Variants in M1AP observed in about 807,000 individuals in gnomAD.
The protein encoded by M1AP is meiosis 1 associated protein.
M1AP carries 39 observed loss-of-function variants against 51.2 expected under a neutral mutation model. The observed-to-expected ratio is 0.76, with a 90% CI of 0.59 to 1.00. The LOEUF (loss-of-function observed/expected upper bound fraction) is 1.00, where lower values mean the gene tolerates loss of function less well. M1AP is among the 50% of genes least tolerant of loss of function. The pLI is 0.00. For synonymous variants in M1AP, 251 were observed against 249.2 expected (o/e 1.01, Z -0.07); for missense variants, 545 against 641.2 (o/e 0.85, Z 1.62).
chr2:74,618,416 C>G (rs1349110031), intron 2 of M1AP, among the ~76,000 whole-genome samples: 1 of 152,172 alleles, frequency 6.6e-6, no homozygotes, highest in African/African-American at 2.4e-5. Flanking sequence ...GAAAAAGAAA[C>G]AGCAGAAGAA....
intron 3 of M1AP, among the ~76,000 whole-genome samples, chr2:74,610,425 C>G (rs1226380628): frequency 6.6e-6 from 1 of 152,078 alleles, no homozygotes; most frequent in Non-Finnish European, 1.5e-5. Flanking sequence ...TAAAAAAAAT[C>G]CTTGCCCAGA....
chr2:74,561,289 G>A (rs1277845918), intron 8 of M1AP, among the ~76,000 whole-genome samples: 1 of 146,658 alleles, frequency 6.8e-6, no homozygotes, highest in Non-Finnish European at 1.5e-5. Context: ...GGTAAAAATG[G>A]CTTTCAGAGT....
intron 7 of M1AP, among the ~76,000 whole-genome samples, chr2:74,572,338 C>T (rs576979405): frequency 6.6e-6 from 1 of 152,062 alleles, no homozygotes; most frequent in Non-Finnish European, 1.5e-5. Context: ...TCTTTCCCAC[C>T]CCCCCTAAGC....
At chr2:74,628,333 T>C in intron 2 of M1AP, 1 of 362,872 alleles carries the variant, frequency 2.8e-6, no homozygotes, top group Non-Finnish European at 5.6e-6. Flanking sequence ...AGGAAGCTTC[T>C]CCGATCATCT....
chr2:74,609,914 G>A (rs1338161916), intron 3 of M1AP, among the ~76,000 whole-genome samples: 2 of 151,984 alleles, frequency 1.3e-5, no homozygotes, highest in African/African-American at 4.8e-5. Flanking sequence ...TGAGTTGTTT[G>A]AGTTCCTTAT....
At chr2:74,592,789 A>T (rs1020608089) in intron 4 of M1AP, among the ~76,000 whole-genome samples, 2 of 152,194 alleles carry the variant, frequency 1.3e-5, no homozygotes, top group African/African-American at 4.8e-5. Flanking sequence ...TATTATTTAC[A>T]TTTGGATCCC....
At chr2:74,643,449 G>A (rs1401608783) in intron 1 of M1AP, among the ~76,000 whole-genome samples, 1 of 152,048 alleles carries the variant, frequency 6.6e-6, no homozygotes, top group Non-Finnish European at 1.5e-5. Flanking sequence ...GTTTAGAGGT[G>A]CATACACAGT....
intron 5 of M1AP, among the ~76,000 whole-genome samples, chr2:74,578,432 G>A (rs1358476755): frequency 7.0e-6 from 1 of 143,068 alleles, no homozygotes; most frequent in African/African-American, 2.6e-5. Context: ...GACAGGCCCC[G>A]GTGTATGATG....
chr2:74,648,072 T>C, intron 1 of M1AP, 193 bp downstream of exon 1: 2 of 985,466 alleles, frequency 2.0e-6, no homozygotes, highest in Non-Finnish European at 2.4e-6. Context: ...CAGAACAGTA[T>C]GCGGAGGGAT....
chr2:74,607,313 C>G (rs1681073175), intron 3 of M1AP, 90 bp from the exon 4 acceptor site: 3 of 1,326,856 alleles, frequency 2.3e-6, no homozygotes, highest in Non-Finnish European at 3.2e-6. Flanking sequence ...ATAAATACAG[C>G]ATAAGTCTGT....
intron 4 of M1AP, among the ~76,000 whole-genome samples, chr2:74,584,324 C>T (rs139925747): frequency 0.018 from 2,752 of 151,398 alleles, 48 homozygotes; most frequent in Non-Finnish European, 0.027. Context: ...GCAATGCAAC[C>T]GAGGCCAGGC....
In M1AP at chr2:74,581,725, G is replaced by C. The variant is rs1216208594; in HGVS notation, c.718C>G (p.Leu240Val). Residue 240 changes from leucine (L) to valine (V), a missense_variant, in exon 5 of 11, where the codon CTT becomes GTT. By Grantham distance (32) the Leu-to-Val change is conservative (BLOSUM62 1). Transcript: ENST00000421985. ...TTGCTGAAACACTGTGAAGAAAGAA[G>C]AAGATGGATTTGTTCTTGGTCTGTT... The part of the protein sequence containing the change: ...SGTDQEQIHL[L>V]LSSQCFSNIS... The C allele has an allele frequency of 6.2e-7, 1 of 1,613,950 alleles. No individual in the cohort carries two copies. The highest frequency in any genetic ancestry group is 2.2e-5 in the East Asian group (1 of 44,888).
At position 74,646,609 on chromosome 2, in the gene M1AP, C is replaced by G. The variant is rs1337357774; in HGVS notation, c.-53+1656G>C. 4.6e-5 allele frequency among the ~76,000 whole-genome samples: 7 copies of G among 152,154 alleles called. 1 individual carries two copies. The highest frequency in any genetic ancestry group is 1.5e-5 in the Non-Finnish European group (1 of 68,034). On this transcript the variant is annotated intron_variant, in intron 1 of 10. Transcript: ENST00000421985. The stretch of plus-strand genomic sequence containing the variant: ...AACCCAAACTTAGAAAGAAGTATGT[C>G]AGTTTGCCAAGACACACAAAAAATG...
chr2:74,630,713 T>G (rs1311839454), intron 2 of M1AP, among the ~76,000 whole-genome samples: 1 of 152,234 alleles, frequency 6.6e-6, no homozygotes, highest in East Asian at 1.9e-4. Flanking sequence ...GTACCACATT[T>G]TTTTTTAATC....
At chr2:74,607,321 TGTG>T in intron 3 of M1AP, 98 bp from the exon 4 acceptor site, 1 of 1,212,778 alleles carries the variant, frequency 8.2e-7, no homozygotes, top group East Asian at 2.3e-5. Context: ...AGCATAAGTC[TGTG>T]GTGGTGGCTA....
chr2:74,584,901 G>A (rs1224591008), intron 4 of M1AP, among the ~76,000 whole-genome samples: 1 of 151,164 alleles, frequency 6.6e-6, no homozygotes, highest in African/African-American at 2.4e-5. Context: ...GGAGTGCAGT[G>A]GTGTGATCTC....
At chr2:74,561,900 G>A (rs1678041796) in intron 8 of M1AP, 1 of 985,262 alleles carries the variant, frequency 1.0e-6, no homozygotes, top group Non-Finnish European at 1.2e-6. Context: ...TTTCAGGTCC[G>A]TGTGCATGTC....
chr2:74,569,168 G>A (rs550526268), intron 7 of M1AP, among the ~76,000 whole-genome samples: 1 of 152,076 alleles, frequency 6.6e-6, no homozygotes. Context: ...CAGAGAATTA[G>A]AATCTACAAA....
At chr2:74,584,980 G>A (rs929045505) in intron 4 of M1AP, among the ~76,000 whole-genome samples, 1 of 151,644 alleles carries the variant, frequency 6.6e-6, no homozygotes, top group Non-Finnish European at 1.5e-5. Context: ...GTAGCTGGGA[G>A]TACAGGTGTG....
Sources: gnomAD v4.1 joint callset for allele counts (sites outside exome capture counted in the v4.1 genomes callset) on GRCh38, gnomAD v4.1.1 for gene constraint, MANE v1.5 for transcripts, NCBI Gene and HGNC (gene_info 2026-07-23, HGNC 2026-07-21) for gene names.